The following SCN1A variants were observed in gnomAD, a reference collection of about 807,000 sequenced individuals.
The protein encoded by SCN1A is sodium channel protein type 1 subunit alpha.
In SCN1A, 13 loss-of-function variants were observed where a neutral mutation model predicts 193.7. The ratio of observed to expected loss-of-function variants is 0.07; its 90% CI spans 0.04 to 0.11. SCN1A has a LOEUF of 0.11. Ranked by LOEUF, SCN1A falls within the 10% of genes least tolerant of loss-of-function variation. The pLI is 1.00. For missense variants in SCN1A, 1,432 were observed against 2,451.1 expected (o/e 0.58, Z 8.78); for synonymous variants, 781 against 843.6 (o/e 0.93, Z 1.29).
chr2:166,023,272 G>T (rs1020853), intron 19 of SCN1A, among the ~76,000 whole-genome samples: 47,411 of 152,070 alleles, frequency 0.31, 7,753 homozygotes, highest in East Asian at 0.6. Context: ...ACTATTCCAA[G>T]AACTTTTAAA....
chr2:166,019,974 G>T (rs767613688), intron 19 of SCN1A, among the ~76,000 whole-genome samples: 11 of 149,840 alleles, frequency 7.3e-5, no homozygotes, highest in Non-Finnish European at 1.0e-4. Context: ...GCAGTGGCGC[G>T]ATCTCGGCTC....
Position 165,985,864 on chromosome 2 carries a change from G to A in SCN1A, c.*5381C>T, listed in dbSNP as rs914161569. 1.3e-5 allele frequency: 2 copies of A among 152,082 alleles called. No homozygotes were observed. The highest frequency in any genetic ancestry group is 4.8e-5 in the African/African-American group (2 of 41,418). 9.4% of individuals were successfully genotyped at this position (152,082 alleles called of 1,614,324 possible). ...TTTTCTTATATAATAAGAAATTCCA[G>A]TGCACACATGAAGAATATGCAATTA... On this transcript the variant is annotated 3_prime_UTR_variant, in exon 29 of 29. Transcript: ENST00000674923.
chr2:166,105,522 T>C (rs1011906758), intron 2 of SCN1A, among the ~76,000 whole-genome samples: 2 of 152,222 alleles, frequency 1.3e-5, no homozygotes, highest in African/African-American at 4.8e-5. Context: ...CATATGAAAA[T>C]AGTTTACATC....
At chr2:166,077,948 T>G (rs1229425193) in intron 2 of SCN1A, 147 bp from the exon 3 acceptor site, 1 of 151,902 alleles carries the variant, frequency 6.6e-6, no homozygotes, top group African/African-American at 2.4e-5. Flanking sequence ...TATTACTAAT[T>G]GAAAGAAGCA....
intron 19 of SCN1A, among the ~76,000 whole-genome samples, chr2:166,020,127 G>T (rs1175261778): frequency 1.3e-5 from 2 of 151,904 alleles, no homozygotes; most frequent in Admixed American, 6.6e-5. Context: ...AGCCAGGAGG[G>T]TCTCGATCTC....
At chr2:166,039,850 T>C (rs931354285) in intron 16 of SCN1A, among the ~76,000 whole-genome samples, 2 of 150,698 alleles carry the variant, frequency 1.3e-5, no homozygotes, top group Non-Finnish European at 3.0e-5. Context: ...ATGGGTGAAA[T>C]GGCTTGCTTG....
intron 2 of SCN1A, among the ~76,000 whole-genome samples, chr2:166,093,124 G>C (rs1686996141): frequency 6.6e-6 from 1 of 151,842 alleles, no homozygotes; most frequent in Non-Finnish European, 1.5e-5. Flanking sequence ...AAGATGCACT[G>C]CATGACCTAG....
chr2:166,089,444 C>T (rs944874838), intron 2 of SCN1A, among the ~76,000 whole-genome samples: 1 of 152,100 alleles, frequency 6.6e-6, no homozygotes, highest in African/African-American at 2.4e-5. Flanking sequence ...AGACAAGTAT[C>T]TCTGGGAGTA....
chr2:166,055,442 T>C (rs1699036739), intron 6 of SCN1A, among the ~76,000 whole-genome samples: 1 of 151,942 alleles, frequency 6.6e-6, no homozygotes, highest in South Asian at 2.1e-4. Flanking sequence ...GCTTCAATAC[T>C]TTAGAATTTT....
At chr2:166,070,834 T>C (rs1312939212) in intron 4 of SCN1A, among the ~76,000 whole-genome samples, 1 of 152,206 alleles carries the variant, frequency 6.6e-6, no homozygotes, top group African/African-American at 2.4e-5. Flanking sequence ...TCAACATGCA[T>C]TAGTTTGGTC....
At chr2:166,094,070 T>G (rs1687118571) in intron 2 of SCN1A, among the ~76,000 whole-genome samples, 1 of 151,886 alleles carries the variant, frequency 6.6e-6, no homozygotes, top group South Asian at 2.1e-4. Context: ...CACACAAAAA[T>G]GATCTTTAAC....
intron 19 of SCN1A, among the ~76,000 whole-genome samples, chr2:166,020,156 C>T (rs1693839416): frequency 6.6e-6 from 1 of 151,978 alleles, no homozygotes; most frequent in Non-Finnish European, 1.5e-5. Flanking sequence ...GTGATCCACC[C>T]GTCTCGGCCT....
At chr2:166,015,093 A>G (rs992234664) in intron 20 of SCN1A, among the ~76,000 whole-genome samples, 7 of 151,884 alleles carry the variant, frequency 4.6e-5, no homozygotes, top group Admixed American at 2.6e-4. Flanking sequence ...TAGGAAAAAC[A>G]TATCTCTTCT....
chr2:166,079,480 T>G (rs1266233409), intron 2 of SCN1A, among the ~76,000 whole-genome samples: 1 of 148,838 alleles, frequency 6.7e-6, no homozygotes, highest in African/African-American at 2.5e-5. Context: ...CCTTTTCATT[T>G]TACTGTTTTA....
intron 4 of SCN1A, chr2:166,071,820 G>T (rs1684453419): frequency 6.6e-6 from 1 of 152,028 alleles, no homozygotes; most frequent in African/African-American, 2.4e-5. Flanking sequence ...AACCCGAGAG[G>T]TGGGGCTTGC....
At chr2:166,131,518 G>A (rs1691661757), upstream of SCN1A, among the ~76,000 whole-genome samples, 1 of 152,110 alleles carries the variant, frequency 6.6e-6, no homozygotes, top group Non-Finnish European at 1.5e-5. Flanking sequence ...TAGATTTTGG[G>A]TATTAAAGAG....
intron 2 of SCN1A, among the ~76,000 whole-genome samples, chr2:166,122,023 G>A (rs536810226): frequency 6.6e-6 from 1 of 152,182 alleles, no homozygotes; most frequent in Non-Finnish European, 1.5e-5. Flanking sequence ...AAGGAGACGG[G>A]CTTTAGAAGA....
chr2:166,094,158 T>G (rs1687128905), intron 2 of SCN1A, among the ~76,000 whole-genome samples: 1 of 152,028 alleles, frequency 6.6e-6, no homozygotes, highest in South Asian at 2.1e-4. Flanking sequence ...AAACATCTGA[T>G]AAGAAAAAAA....
At chr2:166,049,014 G>T in intron 9 of SCN1A, 65 bp from the exon 10 acceptor site, 2 of 982,434 alleles carry the variant, frequency 2.0e-6, no homozygotes, top group Non-Finnish European at 1.6e-6. Context: ...AATGAGAACA[G>T]GAAGGTCAGG....
Sources: gnomAD v4.1 joint callset for allele counts (sites outside exome capture counted in the v4.1 genomes callset) on GRCh38, gnomAD v4.1.1 for gene constraint, MANE v1.5 for transcripts, NCBI Gene and HGNC (gene_info 2026-07-23, HGNC 2026-07-21) for gene names.